The following BCL2 variants were observed in gnomAD, a reference collection of about 807,000 sequenced individuals.
BCL2 encodes the protein apoptosis regulator Bcl-2.
In BCL2, 1 loss-of-function variant was observed where a neutral mutation model predicts 14.2. That is an observed-to-expected ratio of 0.07 (90% CI 0.02 to 0.33). BCL2 has a LOEUF of 0.33. Among genes scored for constraint, BCL2 ranks in the 10% least tolerant of loss-of-function variants. The probability of loss-of-function intolerance (pLI) is 0.99; values close to 1 mark genes in which losing one functional copy is unlikely to be tolerated. For synonymous variants in BCL2, 151 were observed against 137.2 expected (o/e 1.10, Z -0.70); for missense variants, 247 against 305.9 (o/e 0.81, Z 1.44).
chr18:63,296,644 C>A (rs1027810909), intron 2 of BCL2, among the ~76,000 whole-genome samples: 1 of 152,118 alleles, frequency 6.6e-6, no homozygotes, highest in Non-Finnish European at 1.5e-5. Context: ...ACTCTTAGGG[C>A]AGGCTGGCAA....
intron 2 of BCL2, chr18:63,316,770 TG>T (rs1252535620): frequency 6.6e-6 from 1 of 152,208 alleles, no homozygotes; most frequent in Non-Finnish European, 1.5e-5. Flanking sequence ...AAACATGTGG[TG>T]TGCTTCTTGA....
chr18:63,246,866 AT>A (rs1430099557), intron 2 of BCL2, among the ~76,000 whole-genome samples: 2 of 151,814 alleles, frequency 1.3e-5, no homozygotes, highest in African/African-American at 4.8e-5. Context: ...TCCTAAAGCC[AT>A]GGCCCATTCT....
Position 63,124,181 on chromosome 18 carries a change from C to G in BCL2, c.*4444G>C. On this transcript the variant is annotated 3_prime_UTR_variant, in exon 3 of 3. Coordinates refer to ENST00000333681, the MANE Select transcript of BCL2 (RefSeq NM_000633.3). The stretch of plus-strand genomic sequence containing the variant: ...TGATTCACTGGGTAAGACTAAAGGA[C>G]TTGTATTATCACTCTCCAATTCAGT... 4.5e-6 allele frequency: 1 copy of G among 222,378 alleles called. No homozygotes were observed. The allele number at this position is 222,378 out of a possible 1,614,324, so 13.8% of individuals were successfully genotyped here. A position where few individuals can be genotyped will look rare whatever the true frequency, so the allele number is the denominator to read the frequency against.
At chr18:63,245,627 C>T (rs1252189117) in intron 2 of BCL2, among the ~76,000 whole-genome samples, 1 of 152,190 alleles carries the variant, frequency 6.6e-6, no homozygotes, top group Non-Finnish European at 1.5e-5. Context: ...AATCAGTGCA[C>T]ATAAACCATG....
chr18:63,143,982 T>G (rs1405561336), intron 2 of BCL2, among the ~76,000 whole-genome samples: 2 of 152,178 alleles, frequency 1.3e-5, no homozygotes, highest in East Asian at 3.8e-4. Context: ...GCTCTTCCAA[T>G]GGGATGACTC....
chr18:63,164,642 G>C (rs1190109404), intron 2 of BCL2, among the ~76,000 whole-genome samples: 1 of 152,204 alleles, frequency 6.6e-6, no homozygotes, highest in African/African-American at 2.4e-5. Context: ...AGATGCTAAA[G>C]AGCTGTTTTT....
At chr18:63,223,654 C>T (rs571281204) in intron 2 of BCL2, among the ~76,000 whole-genome samples, 102 of 152,068 alleles carry the variant, frequency 6.7e-4, no homozygotes, top group African/African-American at 1.6e-3. Context: ...ACAGGCAGGG[C>T]GGCATCTTGC....
intron 2 of BCL2, among the ~76,000 whole-genome samples, chr18:63,293,439 G>C (rs1912710150): frequency 6.6e-6 from 1 of 152,176 alleles, no homozygotes; most frequent in Non-Finnish European, 1.5e-5. Context: ...TCCCAACCAA[G>C]TTAAGCAATC....
intron 2 of BCL2, among the ~76,000 whole-genome samples, chr18:63,270,597 C>A (rs1366572939): frequency 6.6e-6 from 1 of 152,114 alleles, no homozygotes; most frequent in African/African-American, 2.4e-5. Context: ...AAGACCCTGA[C>A]AACATAGATT....
chr18:63,214,215 C>T (rs1910135030), intron 2 of BCL2, among the ~76,000 whole-genome samples: 1 of 152,198 alleles, frequency 6.6e-6, no homozygotes. Flanking sequence ...CAGACACCAG[C>T]AGCAGGGACG....
At chr18:63,198,521 GAC>G (rs1441540516) in intron 2 of BCL2, among the ~76,000 whole-genome samples, 5 of 99,932 alleles carry the variant, frequency 5.0e-5, no homozygotes, top group Non-Finnish European at 8.2e-5. Context: ...GACACACATA[GAC>G]ACAGACACAC....
chr18:63,247,783 ACAT>A (rs1242542523), intron 2 of BCL2, among the ~76,000 whole-genome samples: 2 of 152,184 alleles, frequency 1.3e-5, no homozygotes, highest in Non-Finnish European at 2.9e-5. Context: ...CCATCACGTC[ACAT>A]CAATGTTTAA....
intron 2 of BCL2, chr18:63,151,166 G>T (rs1374735024): frequency 1.3e-5 from 2 of 151,940 alleles, no homozygotes; most frequent in Admixed American, 1.3e-4. Flanking sequence ...CGTCTGTCCA[G>T]ATTTCCCCCC....
intron 2 of BCL2, among the ~76,000 whole-genome samples, chr18:63,305,008 G>C (rs1308068308): frequency 6.6e-6 from 1 of 152,154 alleles, no homozygotes; most frequent in Non-Finnish European, 1.5e-5. Flanking sequence ...TCAAGTGTTA[G>C]AGACCTCGCA....
At chr18:63,258,522 T>A (rs971705752) in intron 2 of BCL2, among the ~76,000 whole-genome samples, 5 of 152,230 alleles carry the variant, frequency 3.3e-5, no homozygotes, top group Admixed American at 2.6e-4. Context: ...ACTCTGATCA[T>A]CTTTTAAAAA....
rs766594821 is a variant in BCL2, at chr18:63,318,661, C to A, written c.6G>T (p.Ala2=). The A allele has an allele frequency of 5.0e-6, 8 of 1,612,694 alleles. No homozygotes were observed. Among genetic ancestry groups the A allele is most frequent in the Middle Eastern group, 1.6e-4 (1 of 6,062 alleles). Residue 2 remains alanine, a synonymous_variant, in exon 2 of 3, where the codon GCG becomes GCT. Coordinates refer to ENST00000333681, the MANE Select transcript of BCL2 (RefSeq NM_000633.3). The surrounding 1 kb of genome is among the most constrained non-coding windows in gnomAD (Gnocchi z 7.4). The part of the protein sequence containing the change: M[A]HAGRTGYDNR... ...TATCGTACCCTGTTCTCCCAGCGTG[C>A]GCCATCCTTCCCAGAGGAAAAGCAA...
chr18:63,301,151 C>G (rs1448321574), intron 2 of BCL2, among the ~76,000 whole-genome samples: 2 of 152,156 alleles, frequency 1.3e-5, no homozygotes, highest in Non-Finnish European at 2.9e-5. Flanking sequence ...TGGGAAGAAT[C>G]AAATTCTTCC....
chr18:63,283,811 A>C (rs1471224973), intron 2 of BCL2, among the ~76,000 whole-genome samples: 1 of 152,182 alleles, frequency 6.6e-6, no homozygotes, highest in African/African-American at 2.4e-5. Context: ...GAAACCATGA[A>C]GTTTGGTTCA....
chr18:63,164,874 A>G (rs939402969), intron 2 of BCL2, among the ~76,000 whole-genome samples: 1 of 152,216 alleles, frequency 6.6e-6, no homozygotes, highest in Non-Finnish European at 1.5e-5. Context: ...GAAATCCTCA[A>G]GTCAATTAAT....
Sources: gnomAD v4.1 joint callset for allele counts (sites outside exome capture counted in the v4.1 genomes callset) on GRCh38, gnomAD v4.1.1 for gene constraint, Gnocchi (gnomAD v3.1) non-coding constraint, MANE v1.5 for transcripts, NCBI Gene and HGNC (gene_info 2026-07-23, HGNC 2026-07-21) for gene names.